NAV2: variants seen among roughly 807,000 people sequenced by gnomAD.
The protein encoded by NAV2 is neuron navigator 2.
NAV2 carries 54 observed loss-of-function variants against 223.2 expected under a neutral mutation model. That is an observed-to-expected ratio of 0.24 (90% CI 0.19 to 0.30). The LOEUF is 0.30. NAV2 is among the 10% of genes least tolerant of loss of function. The probability of loss-of-function intolerance (pLI) is 1.00; values close to 1 mark genes in which losing one functional copy is unlikely to be tolerated. For missense variants in NAV2, 2,806 were observed against 3,147.5 expected, an observed-to-expected ratio of 0.89 and a Z score of 2.60; for synonymous variants, 1,279 against 1,239.3, an observed-to-expected ratio of 1.03 and a Z score of -0.67.
chr11:19,894,269 C>G (rs904406906), intron 6 of NAV2, among the ~76,000 whole-genome samples: 1 of 152,148 alleles, frequency 6.6e-6, no homozygotes, highest in Non-Finnish European at 1.5e-5. Context: ...TAATACCGTG[C>G]TTTCCCTGGA....
At chr11:20,027,312 T>C in intron 11 of NAV2, 2 of 985,246 alleles carry the variant, frequency 2.0e-6, no homozygotes, top group African/African-American at 1.7e-5. Context: ...GGCCCCGGGG[T>C]TTCACGGGAA....
intron 36 of NAV2, among the ~76,000 whole-genome samples, chr11:20,108,809 A>G (rs2062387506): frequency 6.6e-6 from 1 of 152,150 alleles, no homozygotes; most frequent in Non-Finnish European, 1.5e-5. Context: ...GAAGCTTACC[A>G]TTAATTTGGA....
At chr11:19,777,992 T>A (rs1359222397) in intron 1 of NAV2, 2 of 455,682 alleles carry the variant, frequency 4.4e-6, no homozygotes, top group Non-Finnish European at 8.8e-6. Context: ...AGTGAGTGAG[T>A]ATGCACCGGG....
intron 1 of NAV2, among the ~76,000 whole-genome samples, chr11:19,477,563 G>T (rs2042155746): frequency 6.6e-6 from 1 of 152,064 alleles, no homozygotes; most frequent in African/African-American, 2.4e-5. Context: ...ACTTCTTTCT[G>T]GGTCTCAGTT....
chr11:19,678,746 G>T (rs1397990249), intron 1 of NAV2, among the ~76,000 whole-genome samples: 3 of 152,214 alleles, frequency 2.0e-5, no homozygotes, highest in African/African-American at 7.2e-5. Context: ...CCATTCAAAT[G>T]TTGAGCATCA....
chr11:19,645,599 G>A (rs920899010), intron 1 of NAV2, among the ~76,000 whole-genome samples: 10 of 152,066 alleles, frequency 6.6e-5, no homozygotes, highest in South Asian at 4.1e-4. Context: ...TGTAGAGTTA[G>A]GAAAGGGATA....
intron 36 of NAV2, among the ~76,000 whole-genome samples, chr11:20,113,307 TGTG>T (rs1431062228): frequency 1.3e-5 from 2 of 152,268 alleles, no homozygotes; most frequent in Middle Eastern, 3.4e-3. Flanking sequence ...AGCTGGAAGA[TGTG>T]GTGGTGTTAA....
chr11:19,477,373 G>A (rs1042859265), intron 1 of NAV2, among the ~76,000 whole-genome samples: 1 of 152,172 alleles, frequency 6.6e-6, no homozygotes, highest in African/African-American at 2.4e-5. Flanking sequence ...ATTATATTTT[G>A]TGCATTGAAA....
chr11:19,447,313 G>A (rs1851620113), intron 1 of NAV2, among the ~76,000 whole-genome samples: 1 of 152,176 alleles, frequency 6.6e-6, no homozygotes, highest in Non-Finnish European at 1.5e-5. Flanking sequence ...AATAATCATT[G>A]GCATTTGCAC....
intron 1 of NAV2, among the ~76,000 whole-genome samples, chr11:19,666,832 A>G (rs901876839): frequency 1.4e-3 from 213 of 152,296 alleles, no homozygotes; most frequent in African/African-American, 5.0e-3. Flanking sequence ...GCTTTTAAAA[A>G]TGCAGGTGTT....
chr11:20,116,712 C>T (rs997629850), intron 37 of NAV2, among the ~76,000 whole-genome samples: 5 of 152,184 alleles, frequency 3.3e-5, no homozygotes, highest in African/African-American at 4.8e-5. Flanking sequence ...CAACCCCAGG[C>T]CCCCAGAAGT....
intron 3 of NAV2, among the ~76,000 whole-genome samples, chr11:19,846,735 G>A (rs1249727168): frequency 6.6e-6 from 1 of 152,188 alleles, no homozygotes; most frequent in Non-Finnish European, 1.5e-5. Context: ...CAAGCCTGAT[G>A]CTTTTCCATC....
chr11:19,417,523 G>A (rs1850426464), intron 1 of NAV2, among the ~76,000 whole-genome samples: 1 of 152,204 alleles, frequency 6.6e-6, no homozygotes, highest in African/African-American at 2.4e-5. Flanking sequence ...CAATCATTAT[G>A]GAAGGCAGTG....
intron 1 of NAV2, among the ~76,000 whole-genome samples, chr11:19,804,845 C>T (rs1022378443): frequency 6.6e-5 from 10 of 152,306 alleles, no homozygotes; most frequent in African/African-American, 2.2e-4. Flanking sequence ...GAGTGGCATT[C>T]TAACCCAGTG....
At chr11:19,491,569 A>G (rs1250537254) in intron 1 of NAV2, among the ~76,000 whole-genome samples, 1 of 152,180 alleles carries the variant, frequency 6.6e-6, no homozygotes, top group Non-Finnish European at 1.5e-5. Context: ...GAAGAGATTT[A>G]GGTCGTGTCT....
chr11:19,778,010 C>G (rs1231418363), intron 1 of NAV2: 1 of 455,778 alleles, frequency 2.2e-6, no homozygotes, highest in East Asian at 7.0e-5. Context: ...GGGTCCTCCT[C>G]CCGCCTCTCA....
intron 1 of NAV2, among the ~76,000 whole-genome samples, chr11:19,674,400 T>C (rs558252050): frequency 4.9e-4 from 75 of 152,336 alleles, no homozygotes; most frequent in African/African-American, 1.8e-3. Context: ...CAGGAATGAC[T>C]GCAGCTCCCA....
chr11:19,508,734 C>T (rs2043193479), intron 1 of NAV2, among the ~76,000 whole-genome samples: 1 of 152,194 alleles, frequency 6.6e-6, no homozygotes, highest in Non-Finnish European at 1.5e-5. Context: ...AGATTTATCT[C>T]TCTCAATAAA....
At chr11:19,613,896 A>G (rs1195412277) in intron 1 of NAV2, among the ~76,000 whole-genome samples, 7 of 152,362 alleles carry the variant, frequency 4.6e-5, no homozygotes, top group Non-Finnish European at 8.8e-5. Context: ...TGTAAAATGG[A>G]TAAAACCTAA....
Sources: allele counts gnomAD v4.1 joint callset (sites outside exome capture counted in the v4.1 genomes callset), GRCh38; gene constraint gnomAD v4.1.1; transcripts MANE v1.5; gene names NCBI Gene and HGNC (gene_info 2026-07-23, HGNC 2026-07-21).